AKR1A1: variants seen among roughly 807,000 people sequenced by gnomAD.
AKR1A1 encodes the protein HEL-S-165mP.
AKR1A1 carries 26 observed loss-of-function variants against 39.2 expected under a neutral mutation model. The ratio of observed to expected loss-of-function variants is 0.66; its 90% confidence interval spans 0.49 to 0.92. AKR1A1 has a LOEUF of 0.92. AKR1A1 is among the 40% of genes least tolerant of loss of function. The probability of loss-of-function intolerance (pLI) is 0.00; values close to 1 mark genes in which losing one functional copy is unlikely to be tolerated. For synonymous variants in AKR1A1, 141 were observed against 155.5 expected (o/e 0.91, Z 0.69); for missense variants, 378 against 406.5 (o/e 0.93, Z 0.60).
chr1:45,568,271 A>G (rs1237873471), intron 5 of AKR1A1, 94 bp downstream of exon 5: 1 of 1,416,612 alleles, frequency 7.1e-7, no homozygotes. Context: ...ATAGCTAGCA[A>G]GTTGTCAGAG....
In AKR1A1 at chr1:45,551,166, C is replaced by T. The variant is rs553523954; in HGVS notation, c.-7+11C>T. On this transcript the variant is annotated intron_variant, in intron 1 of 8. Transcript: ENST00000351829. The stretch of plus-strand genomic sequence containing the variant: ...TGTGCTTGTGCCAAGGTGAGTTTCT[C>T]TTGCTGCTGGCCTATCTTTCTCCCG... The T allele has an allele frequency of 6.6e-6, 1 of 152,490 alleles. No homozygotes were observed. Among genetic ancestry groups the T allele is most frequent in the East Asian group, 1.9e-4 (1 of 5,184 alleles). 9.4% of individuals were successfully genotyped at this position (152,490 alleles called of 1,614,324 possible).
At chr1:45,568,716 G>T (rs777038009) in intron 6 of AKR1A1, 32 bp downstream of exon 6, 14 of 1,611,320 alleles carry the variant, frequency 8.7e-6, no homozygotes, top group African/African-American at 6.7e-5. Context: ...AGGGCCCTGG[G>T]TTGGGAGGCA....
At chr1:45,553,371 G>A (rs998727787) in intron 1 of AKR1A1, among the ~76,000 whole-genome samples, 4 of 151,242 alleles carry the variant, frequency 2.6e-5, no homozygotes, top group African/African-American at 9.7e-5. Context: ...GTAGTGAGCC[G>A]AGATCACACC....
Position 45,556,546 on chromosome 1 carries a change from A to G in AKR1A1, c.-6-5243A>G, listed in dbSNP as rs147417800. On this transcript the variant is annotated intron_variant, in intron 1 of 8. Coordinates refer to ENST00000351829, the MANE Select transcript of AKR1A1 (RefSeq NM_153326.3). ...CAGTGAGCCAAGATCGTGCCACTGTACTCCAGCCTGGGTGACGGAGCAAGA... is the reference window on the plus strand; with the variant it reads ...CAGTGAGCCAAGATCGTGCCACTGTGCTCCAGCCTGGGTGACGGAGCAAGA... 8.7e-4 allele frequency among the ~76,000 whole-genome samples: 124 copies of G among 143,086 alleles called. 2 individuals carry two copies. In the East Asian group the frequency reaches 0.023, roughly 27 times the overall value. The allele number at this position is 143,086 out of a possible 152,430, so 93.9% of individuals were successfully genotyped here. A position where few individuals can be genotyped will look rare whatever the true frequency, so the allele number is the denominator to read the frequency against.
Position 45,569,983 on chromosome 1 carries a change from A to G in AKR1A1, c.*27A>G. On this transcript the variant is annotated 3_prime_UTR_variant, in exon 9 of 9. Coordinates refer to ENST00000351829, the MANE Select transcript of AKR1A1 (RefSeq NM_153326.3). The stretch of plus-strand genomic sequence containing the variant: ...ACCACAGCTTCTTGGCCTCCCTTCC[A>G]GCTCTGCAGCTAATGAGGTCCTGCC... 2 of 1,604,308 alleles carry G rather than the reference A, an allele frequency of 1.2e-6. No individual in the cohort carries two copies. Among genetic ancestry groups the G allele is most frequent in the Non-Finnish European group, 1.7e-6 (2 of 1,171,110 alleles).
At chr1:45,564,205 G>C (rs191977588) in intron 2 of AKR1A1, among the ~76,000 whole-genome samples, 43 of 152,280 alleles carry the variant, frequency 2.8e-4, no homozygotes, top group Admixed American at 2.8e-3. Context: ...TGTGCTTTAG[G>C]CAGGCACTTC....
At position 45,562,950 on chromosome 1, in the gene AKR1A1, G is replaced by A. The variant is rs555179288; in HGVS notation, c.84+1072G>A. ...GACTGGGCAACACAGTGAGACCCCCGTCTCTACAAAAAATTAAAAAAATTC... is the reference window on the plus strand; with the variant it reads ...GACTGGGCAACACAGTGAGACCCCCATCTCTACAAAAAATTAAAAAAATTC... On this transcript the variant is annotated intron_variant, in intron 2 of 8. Transcript: ENST00000351829. Among the ~76,000 whole-genome samples, 50 of 151,950 alleles carry A rather than the reference G, an allele frequency of 3.3e-4. 1 individual carries two copies. The highest frequency in any genetic ancestry group is 1.0e-3 in the South Asian group (5 of 4,810).
At chr1:45,565,930 T>C (rs1570911754) in intron 2 of AKR1A1, among the ~76,000 whole-genome samples, 2 of 151,900 alleles carry the variant, frequency 1.3e-5, no homozygotes, top group Admixed American at 1.3e-4. Flanking sequence ...AAATATTTAC[T>C]GAAGCCCTCT....
At chr1:45,560,880 A>G (rs886171432) in intron 1 of AKR1A1, among the ~76,000 whole-genome samples, 1 of 152,154 alleles carries the variant, frequency 6.6e-6, no homozygotes, top group Admixed American at 6.5e-5. Flanking sequence ...GGCACCCGCC[A>G]CCACGCCTGG....
At chr1:45,566,457 A>G in intron 2 of AKR1A1, 112 bp from the exon 3 acceptor site, 2 of 1,484,452 alleles carry the variant, frequency 1.3e-6, no homozygotes, top group Non-Finnish European at 1.8e-6. Context: ...TCCACTGCAT[A>G]GATGTGCCTG....
chr1:45,554,865 A>T (rs927112686), intron 1 of AKR1A1, among the ~76,000 whole-genome samples: 2 of 151,902 alleles, frequency 1.3e-5, no homozygotes, highest in Non-Finnish European at 2.9e-5. Context: ...TAATTTTCAT[A>T]TTTTTTGTAG....
At chr1:45,568,810 A>G in intron 6 of AKR1A1, 117 bp from the exon 7 acceptor site, 1 of 1,517,494 alleles carries the variant, frequency 6.6e-7, no homozygotes, top group Non-Finnish European at 9.1e-7. Context: ...CTGTAGGCAT[A>G]TTTCCCATTT....
rs909079593 is a variant in AKR1A1 at position 45,569,229 on chromosome 1, G to T, written c.912G>T (p.Thr304=). Residue 304 remains threonine, a splice_region_variant and synonymous_variant, in exon 8 of 9, where the codon ACG becomes ACT. Coordinates refer to ENST00000351829, the MANE Select transcript of AKR1A1 (RefSeq NM_153326.3). ...KNWRYIVPML[T]VDGKRVPRDA... ...GGAGATATATTGTGCCTATGCTTAC[G>T]GTGAGGATGTATCAGCCTCCTAGAC... 3 of 1,612,804 alleles carry T rather than the reference G, an allele frequency of 1.9e-6. No individual in the cohort carries two copies. The highest frequency in any genetic ancestry group is 2.5e-6 in the Non-Finnish European group (3 of 1,178,790).
At chr1:45,558,510 C>T (rs1334148532) in intron 1 of AKR1A1, among the ~76,000 whole-genome samples, 2 of 151,678 alleles carry the variant, frequency 1.3e-5, no homozygotes, top group Non-Finnish European at 2.9e-5. Flanking sequence ...GCGATTCCTC[C>T]TGTCTCAGCC....
chr1:45,564,634 C>G (rs1010851024), intron 2 of AKR1A1, among the ~76,000 whole-genome samples: 2 of 151,950 alleles, frequency 1.3e-5, no homozygotes, highest in Non-Finnish European at 2.9e-5. Flanking sequence ...TTCCCAGAGT[C>G]TGTCTACACA....
rs754567785 is a variant in AKR1A1, at chr1:45,569,221, A to G, written c.904A>G (p.Met302Val). ...CAAAAATTGGAGATATATTGTGCCT[A>G]TGCTTACGGTGAGGATGTATCAGCC... The part of the protein sequence containing the change: ...LNKNWRYIVP[M>V]LTVDGKRVPR... The change falls in exon 8 of 9, where the codon ATG (methionine) becomes GTG (valine). Residue 302 changes from methionine (M) to valine (V), a missense_variant. Coordinates refer to ENST00000351829, the MANE Select transcript of AKR1A1 (RefSeq NM_153326.3). 6 of 1,613,630 alleles carry G rather than the reference A, an allele frequency of 3.7e-6. No individual in the cohort carries two copies. Among genetic ancestry groups the G allele is most frequent in the Middle Eastern group, 1.6e-4 (1 of 6,062 alleles).
rs1644391180 is a variant in AKR1A1, at chr1:45,569,796, A to G, written c.913-95A>G. The G allele has an allele frequency of 2.8e-6, 3 of 1,065,126 alleles. No individual in the cohort carries two copies. The East Asian group carries it at 7.3e-5, about 26-fold the overall frequency. The allele number at this position is 1,065,126 out of a possible 1,614,324, so 66.0% of individuals were successfully genotyped here. A position where few individuals can be genotyped will look rare whatever the true frequency, so the allele number is the denominator to read the frequency against. ...TGCCATCTGGCATAGTGCTGTACACAGGTGAGTTTGTTTAGGAAGATTTGG... is the reference window on the plus strand; with the variant it reads ...TGCCATCTGGCATAGTGCTGTACACGGGTGAGTTTGTTTAGGAAGATTTGG... On this transcript the variant is annotated intron_variant, in intron 8 of 8. Transcript: ENST00000351829.
In AKR1A1 at chr1:45,561,901, A is replaced by T. The variant is rs543830196; in HGVS notation, c.84+23A>T. The T allele has an allele frequency of 9.9e-6, 16 of 1,612,490 alleles. No individual in the cohort carries two copies. The South Asian group carries it at 1.5e-4, about 15-fold the overall frequency. ...CAGGTGAGGGATGGGGGAAGAAAAA[A>T]GAAACTTGTTGAGCCTCTGCCTGCA... On this transcript the variant is annotated intron_variant, in intron 2 of 8. Coordinates refer to ENST00000351829, the MANE Select transcript of AKR1A1 (RefSeq NM_153326.3).
chr1:45,565,342 C>T (rs1402068867), intron 2 of AKR1A1, among the ~76,000 whole-genome samples: 1 of 151,142 alleles, frequency 6.6e-6, no homozygotes, highest in Non-Finnish European at 1.5e-5. Context: ...GTTGGTTAGG[C>T]TGGTCTCAAA....
Sources: allele counts gnomAD v4.1 joint callset (sites outside exome capture counted in the v4.1 genomes callset), GRCh38; gene constraint gnomAD v4.1.1; transcripts MANE v1.5; gene names NCBI Gene and HGNC (gene_info 2026-07-23, HGNC 2026-07-21).